The following NOS1 variants were observed in gnomAD, a reference collection of about 807,000 sequenced individuals.
NOS1 encodes NOS type I.
NOS1 carries 51 observed loss-of-function variants against 164.5 expected under a neutral mutation model. That is an observed-to-expected ratio of 0.31 (90% CI 0.25 to 0.39). The LOEUF (loss-of-function observed/expected upper bound fraction) is 0.39, where lower values mean the gene tolerates loss of function less well. Ranked by LOEUF, NOS1 falls within the 10% of genes least tolerant of loss-of-function variation. The pLI, the probability that NOS1 is intolerant of heterozygous loss-of-function variation, is 1.00. For missense variants in NOS1, 1,362 were observed against 1,885.6 expected, an observed-to-expected ratio of 0.72 and a Z score of 5.14; for synonymous variants, 719 against 745.8, an observed-to-expected ratio of 0.96 and a Z score of 0.59.
intron 3 of NOS1, among the ~76,000 whole-genome samples, chr12:117,311,075 A>C (rs917746108): frequency 5.3e-5 from 8 of 152,232 alleles, no homozygotes; most frequent in African/African-American, 1.9e-4. Context: ...CATGTTGGTC[A>C]GGCTGGTCTT....
chr12:117,317,835 C>A (rs992018816), intron 2 of NOS1, among the ~76,000 whole-genome samples: 2 of 152,044 alleles, frequency 1.3e-5, no homozygotes, highest in Non-Finnish European at 2.9e-5. Flanking sequence ...TGGTGGTTCT[C>A]AAACTCCAGG....
chr12:117,213,126 T>C lies in NOS1; in HGVS notation c.*2183A>G, dbSNP rs1272855925. ...GGCACCTTGTAAGCGCTTCTAAGTA[T>C]TTATTCCCTGATGGAAAAGCATTCC... On this transcript the variant is annotated 3_prime_UTR_variant, in exon 29 of 29. Transcript: ENST00000317775. 2.0e-6 allele frequency: 2 copies of C among 985,350 alleles called. No individual in the cohort carries two copies. The highest frequency in any genetic ancestry group is 2.4e-6 in the Non-Finnish European group (2 of 829,950). 61.0% of individuals were successfully genotyped at this position (985,350 alleles called of 1,614,324 possible).
At chr12:117,346,195 G>A (rs766869755) in intron 1 of NOS1, among the ~76,000 whole-genome samples, 9 of 152,270 alleles carry the variant, frequency 5.9e-5, no homozygotes, top group Non-Finnish European at 7.3e-5. Flanking sequence ...TTCAGGCCAG[G>A]TGCCGTGGCT....
At chr12:117,302,410 T>C (rs1001427506) in intron 3 of NOS1, among the ~76,000 whole-genome samples, 2 of 151,844 alleles carry the variant, frequency 1.3e-5, no homozygotes, top group Non-Finnish European at 2.9e-5. Context: ...CTGGCTAACA[T>C]GGTGAAACCC....
chr12:117,254,077 C>T (rs760144677), intron 16 of NOS1, among the ~76,000 whole-genome samples: 10 of 152,066 alleles, frequency 6.6e-5, no homozygotes, highest in Non-Finnish European at 1.3e-4. Flanking sequence ...TCCCCTAAAC[C>T]ATGAGACCAT....
intron 11 of NOS1, among the ~76,000 whole-genome samples, chr12:117,266,466 C>T (rs137984813): frequency 1.4e-4 from 22 of 152,006 alleles, no homozygotes; most frequent in East Asian, 9.7e-4. Flanking sequence ...TTAGCAATTG[C>T]GAATTGTGCT....
chr12:117,340,298 C>T (rs1251666161), intron 1 of NOS1, among the ~76,000 whole-genome samples: 1 of 152,162 alleles, frequency 6.6e-6, no homozygotes, highest in Non-Finnish European at 1.5e-5. Flanking sequence ...ACCACTGTGC[C>T]TGGACTAAAT....
chr12:117,222,574 C>A, intron 26 of NOS1, 141 bp downstream of exon 26: 2 of 765,990 alleles, frequency 2.6e-6, no homozygotes, highest in South Asian at 3.6e-5. Context: ...TTTTCCCTAC[C>A]CATGCTTTCT....
At chr12:117,246,488 C>A (rs1870624473) in intron 18 of NOS1, among the ~76,000 whole-genome samples, 1 of 152,156 alleles carries the variant, frequency 6.6e-6, no homozygotes, top group South Asian at 2.1e-4. Context: ...ATATAACATA[C>A]AACTCACTGT....
chr12:117,286,239 C>T lies in NOS1; in HGVS notation c.1155G>A (p.Arg385=), dbSNP rs770197855. ...CGATCTCTTTGTTCACCTCTTCCAG[C>T]CTTTCCATGTGGGCTTTGGAGCCAA... The part of the protein sequence containing the change: ...KRFGSKAHME[R]LEEVNKEIDT... The change falls in exon 6 of 29, where the codon AGG becomes AGA. Residue 385 remains arginine (R), a synonymous_variant. Transcript: ENST00000317775. 21 of 1,613,948 alleles carry T rather than the reference C, an allele frequency of 1.3e-5. 1 individual carries two copies. Among genetic ancestry groups the T allele is most frequent in the Middle Eastern group, 1.6e-4 (1 of 6,084 alleles).
At chr12:117,262,795 C>T (rs1015391583) in intron 13 of NOS1, among the ~76,000 whole-genome samples, 1 of 152,086 alleles carries the variant, frequency 6.6e-6, no homozygotes, top group South Asian at 2.1e-4. Flanking sequence ...GCTGGCATCC[C>T]CGTTAAATCA....
chr12:117,322,804 T>C (rs1213584011), intron 2 of NOS1, among the ~76,000 whole-genome samples: 4 of 131,872 alleles, frequency 3.0e-5, no homozygotes, highest in Non-Finnish European at 6.5e-5. Context: ...CTTCCCTCCT[T>C]CCCTCCCTTC....
At chr12:117,359,628 T>G (rs1159238612) in intron 1 of NOS1, among the ~76,000 whole-genome samples, 1 of 151,898 alleles carries the variant, frequency 6.6e-6, no homozygotes, top group Non-Finnish European at 1.5e-5. Context: ...CTGGGGACCC[T>G]CCCTCCGTGG....
At chr12:117,350,773 C>A (rs1023580377) in intron 1 of NOS1, among the ~76,000 whole-genome samples, 1 of 152,190 alleles carries the variant, frequency 6.6e-6, no homozygotes, top group African/African-American at 2.4e-5. Context: ...CAGATTCATT[C>A]TCCAAACTTA....
rs374845566 is a variant in NOS1 at position 117,260,594 on chromosome 12, C to T, written c.2238G>A (p.Ser746=). ...CCATAGCCTGCCCCATCAGCTTGGCCGAGAACTTGACAGCTCTGGAGGGAA... is the reference window on the plus strand; with the variant it reads ...CCATAGCCTGCCCCATCAGCTTGGCTGAGAACTTGACAGCTCTGGAGGGAA... ...FKKLAEAVKF[S]AKLMGQAMAK... The change falls in exon 14 of 29, where the codon TCG becomes TCA. Residue 746 remains serine, a synonymous_variant. Coordinates refer to ENST00000317775, the MANE Select transcript of NOS1 (RefSeq NM_000620.5). 1.1e-5 allele frequency: 18 copies of T among 1,613,324 alleles called. No individual in the cohort carries two copies. The highest frequency in any genetic ancestry group is 5.0e-5 in the Admixed American group (3 of 59,960).
chr12:117,345,588 G>A (rs1232089927), intron 1 of NOS1, among the ~76,000 whole-genome samples: 1 of 152,220 alleles, frequency 6.6e-6, no homozygotes, highest in African/African-American at 2.4e-5. Context: ...ATTTAGTGCT[G>A]TAAGGGAACC....
At chr12:117,263,593 T>C (rs867952437) in intron 13 of NOS1, among the ~76,000 whole-genome samples, 1 of 132,306 alleles carries the variant, frequency 7.6e-6, no homozygotes, top group Non-Finnish European at 1.7e-5. Flanking sequence ...ATTATTATTA[T>C]TATTATTATT....
intron 4 of NOS1, 27 bp downstream of exon 4, chr12:117,290,271 T>A: frequency 2.5e-6 from 4 of 1,604,618 alleles, no homozygotes; most frequent in Non-Finnish European, 3.4e-6. Flanking sequence ...TGCCACCCTC[T>A]CATCTACACC....
chr12:117,222,966 C>A (rs544233665), intron 25 of NOS1, 103 bp from the exon 26 acceptor site: 34 of 1,320,152 alleles, frequency 2.6e-5, no homozygotes, highest in Non-Finnish European at 3.3e-5. Flanking sequence ...GTGTGCCATG[C>A]GGATAGAGGC....
Sources: gnomAD v4.1 joint callset for allele counts (sites outside exome capture counted in the v4.1 genomes callset) on GRCh38, gnomAD v4.1.1 for gene constraint, MANE v1.5 for transcripts, NCBI Gene and HGNC (gene_info 2026-07-23, HGNC 2026-07-21) for gene names.